Variants in TOX observed in about 807,000 individuals in gnomAD.
TOX encodes thymocyte selection-associated high mobility group box protein TOX.
A neutral mutation model predicts 53.7 loss-of-function variants in TOX; 11 were observed. That is an observed-to-expected ratio of 0.20 (90% CI 0.13 to 0.34). TOX has a LOEUF of 0.34. TOX is among the 10% of genes least tolerant of loss of function. TOX has a pLI of 1.00. For missense variants in TOX, 570 were observed against 664.6 expected (o/e 0.86, Z 1.56); for synonymous variants, 225 against 245.3 (o/e 0.92, Z 0.77).
chr8:58,833,386 G>A (rs188408796), intron 5 of TOX, among the ~76,000 whole-genome samples: 6 of 152,094 alleles, frequency 3.9e-5, no homozygotes, highest in Non-Finnish European at 8.8e-5. Context: ...AAAGCGGGAC[G>A]AGCTCTTTTA....
chr8:58,887,098 T>C (rs1811481313), intron 3 of TOX, among the ~76,000 whole-genome samples: 1 of 151,996 alleles, frequency 6.6e-6, no homozygotes, highest in South Asian at 2.1e-4. Context: ...CTGATATATA[T>C]TTATCATGTA....
At chr8:58,846,698 G>A (rs963120374) in intron 4 of TOX, among the ~76,000 whole-genome samples, 2 of 152,094 alleles carry the variant, frequency 1.3e-5, no homozygotes, top group African/African-American at 2.4e-5. Context: ...ACTCAGAGAC[G>A]ACGCGTGTAT....
At chr8:58,856,552 G>C (rs930160370) in intron 3 of TOX, among the ~76,000 whole-genome samples, 5 of 152,078 alleles carry the variant, frequency 3.3e-5, no homozygotes, top group African/African-American at 1.2e-4. Flanking sequence ...ATTTCCCTTT[G>C]TGGCAGAAGC....
chr8:59,072,256 T>A (rs984696082), intron 1 of TOX, among the ~76,000 whole-genome samples: 1 of 152,240 alleles, frequency 6.6e-6, no homozygotes, highest in Non-Finnish European at 1.5e-5. Context: ...AATACCAGTT[T>A]AGATTGTATC....
intron 2 of TOX, among the ~76,000 whole-genome samples, chr8:58,955,692 A>G (rs1812698092): frequency 6.6e-6 from 1 of 152,036 alleles, no homozygotes; most frequent in African/African-American, 2.4e-5. Flanking sequence ...CACTGGTGGA[A>G]AACACAGAAT....
chr8:58,934,836 C>T (rs372353591), intron 3 of TOX, among the ~76,000 whole-genome samples: 2 of 152,158 alleles, frequency 1.3e-5, no homozygotes, highest in East Asian at 1.9e-4. Context: ...TACTGGTCTG[C>T]GTAATCTTAA....
intron 3 of TOX, among the ~76,000 whole-genome samples, chr8:58,871,219 T>G (rs1345059453): frequency 6.7e-6 from 1 of 150,188 alleles, no homozygotes; most frequent in Non-Finnish European, 1.5e-5. Flanking sequence ...TCCAATTATA[T>G]GTGGACAGTA....
At chr8:59,021,762 T>C (rs1017874585) in intron 1 of TOX, among the ~76,000 whole-genome samples, 5 of 152,094 alleles carry the variant, frequency 3.3e-5, no homozygotes, top group African/African-American at 1.2e-4. Context: ...TTCAAATATA[T>C]GCAGAGAATC....
chr8:58,874,806 G>A (rs1563376590), intron 3 of TOX, among the ~76,000 whole-genome samples: 1 of 152,060 alleles, frequency 6.6e-6, no homozygotes, highest in African/African-American at 2.4e-5. Flanking sequence ...TCTAAACCAG[G>A]GTGTCCAATC....
intron 1 of TOX, chr8:58,992,780 TC>T (rs2129417504): frequency 6.6e-6 from 1 of 152,344 alleles, no homozygotes; most frequent in East Asian, 1.9e-4. Context: ...ATTTTTCACA[TC>T]AATTCTCTTC....
chr8:58,977,648 A>C (rs1404631341), intron 1 of TOX, among the ~76,000 whole-genome samples: 1 of 152,160 alleles, frequency 6.6e-6, no homozygotes, highest in African/African-American at 2.4e-5. Context: ...TTTCAGTTTA[A>C]CACTTGGAGG....
chr8:59,078,334 G>A (rs1804330871), intron 1 of TOX, among the ~76,000 whole-genome samples: 1 of 152,184 alleles, frequency 6.6e-6, no homozygotes, highest in Admixed American at 6.5e-5. Flanking sequence ...GTAATCCCCA[G>A]TGCTGGAGGT....
chr8:58,953,899 GC>G (rs1374140295), intron 2 of TOX, among the ~76,000 whole-genome samples: 1 of 151,938 alleles, frequency 6.6e-6, no homozygotes, highest in Non-Finnish European at 1.5e-5. Flanking sequence ...TACTTTCTAG[GC>G]CCTTTTTGTC....
At chr8:59,071,461 C>G (rs1804196185) in intron 1 of TOX, among the ~76,000 whole-genome samples, 1 of 152,204 alleles carries the variant, frequency 6.6e-6, no homozygotes, top group Non-Finnish European at 1.5e-5. Context: ...TTATCAAGTT[C>G]CAACGGCAGC....
chr8:59,017,753 A>T (rs1814042566), intron 1 of TOX, among the ~76,000 whole-genome samples: 2 of 152,196 alleles, frequency 1.3e-5, no homozygotes, highest in Non-Finnish European at 2.9e-5. Flanking sequence ...CAAACTCGGA[A>T]CAGGTGTCTA....
At chr8:58,911,013 A>C (rs1279997065) in intron 3 of TOX, among the ~76,000 whole-genome samples, 2 of 152,160 alleles carry the variant, frequency 1.3e-5, no homozygotes, top group African/African-American at 4.8e-5. Flanking sequence ...ATAGGATTTA[A>C]ATTATTGCTT....
At chr8:58,874,030 C>A in intron 3 of TOX, among the ~76,000 whole-genome samples, 1 of 120,262 alleles carries the variant, frequency 8.3e-6, no homozygotes, top group South Asian at 2.7e-4. Flanking sequence ...CCAAGCATGA[C>A]AAGGAGCTGG....
At chr8:58,981,874 G>T (rs1813211898) in intron 1 of TOX, among the ~76,000 whole-genome samples, 1 of 151,952 alleles carries the variant, frequency 6.6e-6, no homozygotes, top group South Asian at 2.1e-4. Context: ...TATCCCTCCT[G>T]GTAACTTGCC....
At chr8:58,982,823 T>C (rs762728020) in intron 1 of TOX, among the ~76,000 whole-genome samples, 7 of 152,208 alleles carry the variant, frequency 4.6e-5, no homozygotes, top group East Asian at 3.9e-4. Flanking sequence ...TGGCTTCTCA[T>C]TGACAATTGA....
Sources: allele counts gnomAD v4.1 joint callset (sites outside exome capture counted in the v4.1 genomes callset), GRCh38; gene constraint gnomAD v4.1.1; transcripts MANE v1.5; gene names NCBI Gene and HGNC (gene_info 2026-07-23, HGNC 2026-07-21).